Variants in KCNC3 observed in about 807,000 individuals in gnomAD.
KCNC3 encodes the protein voltage-gated potassium channel KCNC3.
KCNC3 carries 22 observed loss-of-function variants against 43.9 expected under a neutral mutation model. The observed-to-expected ratio is 0.50, with a 90% CI of 0.36 to 0.72. KCNC3 has a LOEUF of 0.72. KCNC3 is among the 30% of genes least tolerant of loss of function. The pLI is 0.00. For synonymous variants in KCNC3, 492 were observed against 488.0 expected, an observed-to-expected ratio of 1.01 and a Z score of -0.11; for missense variants, 829 against 1,073.8, an observed-to-expected ratio of 0.77 and a Z score of 3.19.
intron 2 of KCNC3, among the ~76,000 whole-genome samples, chr19:50,321,728 C>T (rs2037036459): frequency 6.6e-6 from 1 of 151,916 alleles, no homozygotes; most frequent in Non-Finnish European, 1.5e-5. Flanking sequence ...CAAGATGTTT[C>T]CACTGCACTC....
upstream of KCNC3, among the ~76,000 whole-genome samples, chr19:50,332,950 T>A (rs2123557187): frequency 6.6e-6 from 1 of 152,222 alleles, no homozygotes; most frequent in African/African-American, 2.4e-5. The surrounding 1 kb of genome is among the most constrained non-coding windows in gnomAD (Gnocchi z 5.8). Context: ...TCCCACCCGG[T>A]TCCATTCGGA....
intron 4 of KCNC3, among the ~76,000 whole-genome samples, chr19:50,318,290 C>A (rs2036982927): frequency 6.6e-6 from 1 of 151,726 alleles, no homozygotes; most frequent in Non-Finnish European, 1.5e-5. Flanking sequence ...TTCTCCTACC[C>A]CAGCCTCCCA....
rs1462353343 is a variant in KCNC3 at position 50,315,377 on chromosome 19, C to G, written c.*738G>C. The G allele has an allele frequency of 6.6e-6, 1 of 152,074 alleles. No individual in the cohort carries two copies. The highest frequency in any genetic ancestry group is 1.5e-5 in the Non-Finnish European group (1 of 68,164). The allele number at this position is 152,074 out of a possible 1,614,324, so 9.4% of individuals were successfully genotyped here. On this transcript the variant is annotated 3_prime_UTR_variant, in exon 5 of 5. Transcript: ENST00000477616. ...CCCACCACAGTCCACCGCCCTTCCC[C>G]CCCTCCACTGGTCCCCTCACCTGAG...
chr19:50,327,765 G>A (rs942154328), intron 1 of KCNC3, among the ~76,000 whole-genome samples: 1 of 151,948 alleles, frequency 6.6e-6, no homozygotes, highest in Non-Finnish European at 1.5e-5. Flanking sequence ...CTTCTGAGGG[G>A]CTGGGGAAGG....
At chr19:50,317,173 T>TG (rs1005754048) in intron 4 of KCNC3, among the ~76,000 whole-genome samples, 21 of 118,388 alleles carry the variant, frequency 1.8e-4, no homozygotes, top group Admixed American at 3.4e-4. Context: ...GGGAGGGGAG[T>TG]GGGGGGGTAA....
At chr19:50,316,541 GACCA>G (rs1384572839) in intron 4 of KCNC3, among the ~76,000 whole-genome samples, 1 of 152,060 alleles carries the variant, frequency 6.6e-6, no homozygotes, top group African/African-American at 2.4e-5. Context: ...AGGAGTTCGA[GACCA>G]GCCTGGCCAA....
In KCNC3 at chr19:50,324,633, A is replaced by G. The variant is rs1049019979; in HGVS notation, c.871-551T>C. Among the ~76,000 whole-genome samples the G allele has an allele frequency of 1.6e-4, 24 of 152,204 alleles. No individual in the cohort carries two copies. The highest frequency in any genetic ancestry group is 5.8e-4 in the African/African-American group (24 of 41,454). On this transcript the variant is annotated intron_variant, in intron 1 of 4. Coordinates refer to ENST00000477616, the MANE Select transcript of KCNC3 (RefSeq NM_004977.3). The surrounding 1 kb of genome is among the most constrained non-coding windows in gnomAD (Gnocchi z 4.1). ...GCTTTTAACCTGTCAAAACTGGGCA[A>G]GGAGACTGAGCTTTCTGAACCAGAA...
chr19:50,320,279 G>T lies in KCNC3; in HGVS notation c.2241C>A (p.Leu747=). Residue 747 remains leucine (L), a synonymous_variant, in exon 4 of 5, where the codon CTC becomes CTA. Transcript: ENST00000477616. ...ATATCCAGGCCGCGGCGTTGGCGTT[G>T]AGGTCGGGCAAGAAGCTTGGGGGGC... ...KPGPPSFLPD[L]NANAAAWISP 1.9e-6 allele frequency: 2 copies of T among 1,068,894 alleles called. No individual in the cohort carries two copies. Among genetic ancestry groups the T allele is most frequent in the Non-Finnish European group, 2.5e-6 (2 of 805,830 alleles). 66.2% of individuals were successfully genotyped at this position (1,068,894 alleles called of 1,614,324 possible).
Position 50,323,080 on chromosome 19 carries a change from T to G in KCNC3, c.1873A>C (p.Arg625=). The change falls in exon 2 of 5, where the codon AGG becomes CGG. Residue 625 remains arginine, a synonymous_variant. Transcript: ENST00000477616. ...ATCCCCAGCCCACCCGCTCCCCCCC[T>G]GAGCAGCCCGGGGTGCGTGTGGGGC... is the stretch of plus-strand genomic sequence containing the variant. ...AGPHTHPGLL[R]GGAGGLGIMG... 1 of 1,539,490 alleles carries G rather than the reference T, an allele frequency of 6.5e-7. No homozygotes were observed. Among genetic ancestry groups the G allele is most frequent in the Non-Finnish European group, 8.7e-7 (1 of 1,143,390 alleles).
At chr19:50,321,293 C>T (rs1235196154) in intron 2 of KCNC3, among the ~76,000 whole-genome samples, 2 of 151,948 alleles carry the variant, frequency 1.3e-5, no homozygotes, top group African/African-American at 4.8e-5. Context: ...CATAGCAAAA[C>T]TCCATCTCTA....
At position 50,328,314 on chromosome 19, in the gene KCNC3, G is replaced by GC; in HGVS notation, c.768dup (p.Pro257AlafsTer57). On this transcript the variant is annotated frameshift_variant, in exon 1 of 5. Transcript: ENST00000477616. LOFTEE classifies it high-confidence loss of function. ...CCCGCGCCGCCCGCGCCCCCTGGCG[G>GC]CCCCCCGGCGCCGCCGCCCGCGTCC... 3.5e-6 allele frequency: 4 copies of GC among 1,128,162 alleles called. No homozygotes were observed. The highest frequency in any genetic ancestry group is 4.3e-6 in the Non-Finnish European group (4 of 925,362). 69.9% of individuals were successfully genotyped at this position (1,128,162 alleles called of 1,614,324 possible). A position where few individuals can be genotyped will look rare whatever the true frequency, so the allele number is the denominator to read the frequency against.
chr19:50,324,630 G>T lies in KCNC3; in HGVS notation c.871-548C>A, dbSNP rs2123537073. ...CTGGCTTTTAACCTGTCAAAACTGG[G>T]CAAGGAGACTGAGCTTTCTGAACCA... On this transcript the variant is annotated intron_variant, in intron 1 of 4. Transcript: ENST00000477616. This position sits in a 1 kb window ranked among gnomAD's most constrained non-coding sequence, Gnocchi z 4.1. Among the ~76,000 whole-genome samples, 1 of 152,292 alleles carries T rather than the reference G, an allele frequency of 6.6e-6. No individual in the cohort carries two copies. Among genetic ancestry groups the T allele is most frequent in the South Asian group, 2.1e-4 (1 of 4,822 alleles).
upstream of KCNC3, chr19:50,333,463 C>T (rs1018891526): frequency 1.0e-5 from 2 of 195,944 alleles, no homozygotes; most frequent in African/African-American, 4.7e-5. Context: ...ACTGGTAAAC[C>T]CTTACCAATT....
At chr19:50,321,818 G>A (rs1232960731) in intron 2 of KCNC3, among the ~76,000 whole-genome samples, 2 of 151,972 alleles carry the variant, frequency 1.3e-5, no homozygotes, top group African/African-American at 2.4e-5. Context: ...AAGCAAGCTG[G>A]GTGTCGGGGA....
rs578051392 is a variant in KCNC3 at position 50,319,504 on chromosome 19, G to A, written c.*23+719C>T. ...TCTAGTCTCCTAAGCTCTGTCCTGC[G>A]GTTCCCTTCAACCGTTCCTGTCGAT... On this transcript the variant is annotated intron_variant, in intron 4 of 4. Transcript: ENST00000477616. Among the ~76,000 whole-genome samples the A allele has an allele frequency of 8.5e-5, 13 of 152,224 alleles. No homozygotes were observed. The East Asian group carries it at 9.6e-4, about 11-fold the overall frequency.
chr19:50,330,738 T>G (rs1214667748), upstream of KCNC3, among the ~76,000 whole-genome samples: 3 of 147,518 alleles, frequency 2.0e-5, no homozygotes, highest in African/African-American at 5.1e-5. Flanking sequence ...CGATAAAAAA[T>G]GGGGTGGGCT....
rs2037062145 is a variant in KCNC3 at position 50,323,435 on chromosome 19, A to G, written c.1518T>C (p.Tyr506=). The change falls in exon 2 of 5, where the codon TAT becomes TAC. Residue 506 remains tyrosine (Y), a synonymous_variant. Transcript: ENST00000477616. Reference sequence around the variant, plus strand: ...ACCACGTCTTGGGGTACATGTCTCCATAGCCCAGGGTCGTCATGGTGACCA... The same window carrying G: ...ACCACGTCTTGGGGTACATGTCTCCGTAGCCCAGGGTCGTCATGGTGACCA... The part of the protein sequence containing the change: ...WAVVTMTTLG[Y]GDMYPKTWSG... 6.2e-7 allele frequency: 1 copy of G among 1,614,082 alleles called. No homozygotes were observed. Among genetic ancestry groups the G allele is most frequent in the African/African-American group, 1.3e-5 (1 of 74,946 alleles).
chr19:50,331,446 T>C (rs1443860101), upstream of KCNC3, among the ~76,000 whole-genome samples: 3 of 151,886 alleles, frequency 2.0e-5, no homozygotes, highest in Non-Finnish European at 2.9e-5. Context: ...CCCTTTCATC[T>C]GAGTCTGTCT....
At position 50,313,095 on chromosome 19, in the gene KCNC3, G is replaced by A. The variant is rs1004574509; in HGVS notation, c.*3020C>T. On this transcript the variant is annotated 3_prime_UTR_variant, in exon 5 of 5. Transcript: ENST00000477616. ...GTGGGACCCCGGCTCCAAAAGGGGG[G>A]TCCGCTAAAGAGTCTGGGACCGGTG... The A allele has an allele frequency of 1.3e-5, 2 of 152,174 alleles. No homozygotes were observed. Among genetic ancestry groups the A allele is most frequent in the Non-Finnish European group, 2.9e-5 (2 of 68,036 alleles). 9.4% of individuals were successfully genotyped at this position (152,174 alleles called of 1,614,324 possible).
Sources: allele counts gnomAD v4.1 joint callset (sites outside exome capture counted in the v4.1 genomes callset), GRCh38; gene constraint gnomAD v4.1.1; non-coding constraint Gnocchi (gnomAD v3.1); transcripts MANE v1.5; gene names NCBI Gene and HGNC (gene_info 2026-07-23, HGNC 2026-07-21).